The following SYT10 variants were observed in gnomAD, a reference collection of about 807,000 sequenced individuals.
The protein encoded by SYT10 is synaptotagmin 10, also known as synaptotagmin-10.
A neutral mutation model predicts 51.1 loss-of-function variants in SYT10; 31 were observed. The observed-to-expected ratio is 0.61, with a 90% CI of 0.46 to 0.82. The LOEUF is 0.82. Ranked by LOEUF, SYT10 falls within the 40% of genes least tolerant of loss-of-function variation. The pLI is 0.00. For missense variants in SYT10, 603 were observed against 634.0 expected, an observed-to-expected ratio of 0.95 and a Z score of 0.53; for synonymous variants, 233 against 225.9, an observed-to-expected ratio of 1.03 and a Z score of -0.28.
intron 6 of SYT10, 58 bp downstream of exon 6, chr12:33,379,774 T>A: frequency 6.3e-7 from 1 of 1,589,926 alleles, no homozygotes; most frequent in Non-Finnish European, 8.6e-7. Context: ...AGCAAATAAA[T>A]AATATTTAAG....
intron 3 of SYT10, among the ~76,000 whole-genome samples, chr12:33,403,352 C>T (rs1426743958): frequency 6.6e-6 from 1 of 151,794 alleles, no homozygotes; most frequent in Non-Finnish European, 1.5e-5. Context: ...CTGCCTCAGC[C>T]TCCCAAATAG....
In SYT10 at chr12:33,390,929, T is replaced by TTTG. The variant is rs143306926; in HGVS notation, c.1078-5641_1078-5639dup. ...TGCATAATGTTAAATTACGTTTTTT[T>TTTG]TTGTTGTTGTTGTTGTTTTGTTTTT... On this transcript the variant is annotated intron_variant, in intron 3 of 6. Coordinates refer to ENST00000228567, the MANE Select transcript of SYT10 (RefSeq NM_198992.4). Among the ~76,000 whole-genome samples the TTTG allele has an allele frequency of 8.7e-3, 1,319 of 152,084 alleles. 69 individuals carry two copies. The East Asian group carries it at 0.13, about 15-fold the overall frequency.
intron 5 of SYT10, among the ~76,000 whole-genome samples, chr12:33,381,412 T>A (rs1866114026): frequency 6.6e-6 from 1 of 152,132 alleles, no homozygotes; most frequent in Non-Finnish European, 1.5e-5. Flanking sequence ...AAAATAAATA[T>A]ACTAAGGTAC....
rs1866050714 is a variant in SYT10, at chr12:33,374,997, T to C, written c.*1833A>G. The C allele has an allele frequency of 6.6e-6, 1 of 152,020 alleles. No individual in the cohort carries two copies. The highest frequency in any genetic ancestry group is 2.4e-5 in the African/African-American group (1 of 41,444). 9.4% of individuals were successfully genotyped at this position (152,020 alleles called of 1,614,324 possible). A position where few individuals can be genotyped will look rare whatever the true frequency, so the allele number is the denominator to read the frequency against. On this transcript the variant is annotated 3_prime_UTR_variant, in exon 7 of 7. Transcript: ENST00000228567. ...ATAGTATAACTTTTTGTCTTCCTAT[T>C]TGAAAAGTTTTATTTCCCAATAAAA... is the stretch of plus-strand genomic sequence containing the variant.
At chr12:33,393,781 C>A (rs1481222107) in intron 3 of SYT10, among the ~76,000 whole-genome samples, 1 of 152,214 alleles carries the variant, frequency 6.6e-6, no homozygotes, top group Non-Finnish European at 1.5e-5. Context: ...GAGTTCTTAT[C>A]TGAGCACTCT....
intron 1 of SYT10, among the ~76,000 whole-genome samples, chr12:33,429,251 A>G (rs1866578145): frequency 6.6e-6 from 1 of 152,204 alleles, no homozygotes. Context: ...GTAAGGTTAT[A>G]GGTCTCGAGG....
chr12:33,413,523 A>G (rs1339090303), intron 2 of SYT10, among the ~76,000 whole-genome samples: 3 of 152,218 alleles, frequency 2.0e-5, no homozygotes, highest in South Asian at 2.1e-4. Flanking sequence ...AGTGGGGGCC[A>G]ATATTCAACA....
At chr12:33,429,297 T>G (rs116156543) in intron 1 of SYT10, among the ~76,000 whole-genome samples, 1,629 of 152,298 alleles carry the variant, frequency 0.011, 34 homozygotes, top group African/African-American at 0.035. Context: ...ATAACTATAT[T>G]TTTCTCTCCA....
At chr12:33,390,663 TATACACACAC>T (rs1005861119) in intron 3 of SYT10, among the ~76,000 whole-genome samples, 1 of 151,896 alleles carries the variant, frequency 6.6e-6, no homozygotes, top group Admixed American at 6.5e-5. Context: ...TATGTATGTG[TATACACACAC>T]ACACACATAA....
chr12:33,390,160 A>G (rs2138393929), intron 3 of SYT10, among the ~76,000 whole-genome samples: 1 of 152,326 alleles, frequency 6.6e-6, no homozygotes, highest in Non-Finnish European at 1.5e-5. Flanking sequence ...GTCCTGGCGG[A>G]GCCTCCTTGA....
intron 2 of SYT10, among the ~76,000 whole-genome samples, chr12:33,423,078 T>C (rs1866519784): frequency 6.6e-6 from 1 of 152,148 alleles, no homozygotes; most frequent in South Asian, 2.1e-4. Flanking sequence ...GGCAGGCTGA[T>C]AGGGCAAAAT....
chr12:33,412,814 G>A (rs1463826458), intron 2 of SYT10, among the ~76,000 whole-genome samples: 1 of 152,168 alleles, frequency 6.6e-6, no homozygotes, highest in Non-Finnish European at 1.5e-5. Flanking sequence ...CTCGCCAGCA[G>A]CAGAACAAAG....
intron 3 of SYT10, among the ~76,000 whole-genome samples, chr12:33,393,773 G>A (rs1423898029): frequency 6.6e-6 from 1 of 152,168 alleles, no homozygotes; most frequent in Non-Finnish European, 1.5e-5. Context: ...TCATCAGAGA[G>A]TTCTTATCTG....
rs1459495979 is a variant in SYT10 at position 33,381,832 on chromosome 12, A to C, written c.1370+517T>G. ...AAAGCAATGCTTTAAGATTGATGTGAAGGCATCAAAGCTGTATCCTTATGA... is the reference window on the plus strand; with the variant it reads ...AAAGCAATGCTTTAAGATTGATGTGCAGGCATCAAAGCTGTATCCTTATGA... On this transcript the variant is annotated intron_variant, in intron 5 of 6. Transcript: ENST00000228567. Among the ~76,000 whole-genome samples, 4 of 152,166 alleles carry C rather than the reference A, an allele frequency of 2.6e-5. No individual in the cohort carries two copies. In the East Asian group the frequency reaches 7.7e-4, roughly 29 times the overall value.
At chr12:33,410,542 T>C (rs967754001) in intron 2 of SYT10, among the ~76,000 whole-genome samples, 3 of 151,094 alleles carry the variant, frequency 2.0e-5, no homozygotes, top group Non-Finnish European at 2.9e-5. Context: ...TATCGTTCAA[T>C]ACATATATTG....
At chr12:33,385,360 G>A in intron 3 of SYT10, 69 bp from the exon 4 acceptor site, 1 of 1,566,702 alleles carries the variant, frequency 6.4e-7, no homozygotes, top group Non-Finnish European at 8.7e-7. Context: ...AATCATTTTA[G>A]TAGAATACTG....
At chr12:33,409,771 G>A (rs970189543) in intron 2 of SYT10, among the ~76,000 whole-genome samples, 13 of 152,094 alleles carry the variant, frequency 8.5e-5, no homozygotes, top group Admixed American at 7.9e-4. Flanking sequence ...TTACAAATTA[G>A]TGACCATCCA....
chr12:33,376,889 C>T lies in SYT10; in HGVS notation c.1513G>A (p.Ala505Thr). Residue 505 changes from alanine (A) to threonine (T), a missense_variant, in exon 7 of 7, where the codon GCG becomes ACG. Physicochemically the swap from Ala to Thr is moderately conservative, Grantham distance 58. Coordinates refer to ENST00000228567, the MANE Select transcript of SYT10 (RefSeq NM_198992.4). ...WHPLLELPGR[A>T]TSFDSQGSCP... is the part of the protein sequence containing the mutation. ...GATCCTTGACTATCAAAACTGGTCGCCCGGCCAGGTAACTGAAAGACAAAA... is the reference window on the plus strand; with the variant it reads ...GATCCTTGACTATCAAAACTGGTCGTCCGGCCAGGTAACTGAAAGACAAAA... 6.2e-7 allele frequency: 1 copy of T among 1,613,878 alleles called. No individual in the cohort carries two copies. The highest frequency in any genetic ancestry group is 1.1e-5 in the South Asian group (1 of 91,064).
intron 1 of SYT10, among the ~76,000 whole-genome samples, chr12:33,437,272 T>C (rs915005538): frequency 6.6e-6 from 1 of 152,238 alleles, no homozygotes; most frequent in Non-Finnish European, 1.5e-5. Flanking sequence ...ATACCCCACT[T>C]GTATATATTA....
Sources: gnomAD v4.1 joint callset for allele counts (sites outside exome capture counted in the v4.1 genomes callset) on GRCh38, gnomAD v4.1.1 for gene constraint, MANE v1.5 for transcripts, NCBI Gene and HGNC (gene_info 2026-07-23, HGNC 2026-07-21) for gene names.